ANKH: variants seen among roughly 807,000 people sequenced by gnomAD.
The protein encoded by ANKH is ANKH inorganic pyrophosphate transport regulator, also known as mineralization regulator ANKH.
A neutral mutation model predicts 49.0 loss-of-function variants in ANKH; 15 were observed. The observed-to-expected ratio is 0.31, with a 90% CI of 0.20 to 0.47. The LOEUF (loss-of-function observed/expected upper bound fraction) is 0.47. Among genes scored for constraint, ANKH ranks in the 20% least tolerant of loss-of-function variants. ANKH has a pLI of 1.00. For synonymous variants in ANKH, 273 were observed against 260.0 expected (o/e 1.05, Z -0.48); for missense variants, 429 against 652.0 (o/e 0.66, Z 3.72).
At chr5:14,711,828 G>A (rs1737221762) in intron 11 of ANKH, among the ~76,000 whole-genome samples, 1 of 152,146 alleles carries the variant, frequency 6.6e-6, no homozygotes, top group African/African-American at 2.4e-5. Context: ...TACAATAAAT[G>A]GCCTCTCAGG....
At chr5:14,844,774 T>C (rs1741908767) in intron 1 of ANKH, among the ~76,000 whole-genome samples, 1 of 152,218 alleles carries the variant, frequency 6.6e-6, no homozygotes, top group Non-Finnish European at 1.5e-5. Context: ...TTTTTCACGT[T>C]TGTTTTGAGT....
intron 8 of ANKH, among the ~76,000 whole-genome samples, chr5:14,717,904 T>C (rs1234889636): frequency 6.6e-6 from 1 of 152,166 alleles, no homozygotes; most frequent in African/African-American, 2.4e-5. Context: ...TTTTGGAGCA[T>C]TTTGGATTTT....
chr5:14,731,093 G>A (rs1737985360), intron 8 of ANKH, among the ~76,000 whole-genome samples: 1 of 152,224 alleles, frequency 6.6e-6, no homozygotes, highest in South Asian at 2.1e-4. Context: ...GCCCAACACG[G>A]GCGTGAAAGG....
intron 2 of ANKH, among the ~76,000 whole-genome samples, chr5:14,765,582 A>G (rs1001324028): frequency 6.6e-6 from 1 of 152,164 alleles, no homozygotes; most frequent in African/African-American, 2.4e-5. Context: ...AGATGGGAGA[A>G]TGCCTAGCTC....
At chr5:14,799,736 T>C (rs1740505186) in intron 1 of ANKH, among the ~76,000 whole-genome samples, 2 of 152,178 alleles carry the variant, frequency 1.3e-5, no homozygotes, top group Non-Finnish European at 2.9e-5. Flanking sequence ...TTACTGCTCA[T>C]TGACAATGCA....
chr5:14,780,566 A>G (rs1236556949), intron 1 of ANKH, among the ~76,000 whole-genome samples: 1 of 152,192 alleles, frequency 6.6e-6, no homozygotes. Context: ...AAACAAAATC[A>G]TGTTTCTCAT....
intron 1 of ANKH, among the ~76,000 whole-genome samples, chr5:14,769,794 G>C (rs778453264): frequency 7.7e-6 from 1 of 129,130 alleles, no homozygotes; most frequent in Non-Finnish European, 1.7e-5. Context: ...ATTTTAACCT[G>C]AAATACATTC....
rs112343785 is a variant in ANKH at position 14,847,881 on chromosome 5, G to A, written c.96+23471C>T. 3.7e-4 allele frequency among the ~76,000 whole-genome samples: 57 copies of A among 152,312 alleles called. No homozygotes were observed. The South Asian group carries it at 0.011, about 29-fold the overall frequency. On this transcript the variant is annotated intron_variant, in intron 1 of 11. Transcript: ENST00000284268. ...CTCTGGGCCAGGTGCAGTGGCTCAC[G>A]CCTGTAATCCCAACACTTTGGGAAG...
rs1736942770 is a variant in ANKH at position 14,706,247 on chromosome 5, C to T, written c.*4950G>A. 6.6e-6 allele frequency: 1 copy of T among 152,188 alleles called. No individual in the cohort carries two copies. The highest frequency in any genetic ancestry group is 1.5e-5 in the Non-Finnish European group (1 of 68,032). The allele number at this position is 152,188 out of a possible 1,614,324, so 9.4% of individuals were successfully genotyped here. ...AAAAATTTGCTGAATCTATGTGTAGCTGACAGCCACCTATAAAAGTGCATA... is the reference window on the plus strand; with the variant it reads ...AAAAATTTGCTGAATCTATGTGTAGTTGACAGCCACCTATAAAAGTGCATA... On this transcript the variant is annotated 3_prime_UTR_variant, in exon 12 of 12. Coordinates refer to ENST00000284268, the MANE Select transcript of ANKH (RefSeq NM_054027.6).
At chr5:14,841,071 T>C (rs1741801632) in intron 1 of ANKH, among the ~76,000 whole-genome samples, 1 of 152,166 alleles carries the variant, frequency 6.6e-6, no homozygotes, top group Admixed American at 6.5e-5. Flanking sequence ...ATGAGGATAC[T>C]AATTGTCACT....
At chr5:14,736,472 T>C (rs1023347017) in intron 8 of ANKH, among the ~76,000 whole-genome samples, 4 of 152,318 alleles carry the variant, frequency 2.6e-5, no homozygotes, top group Admixed American at 2.6e-4. Context: ...CTAAAGTTTA[T>C]AGCCATTTTT....
At chr5:14,829,281 A>G (rs1220056531) in intron 1 of ANKH, among the ~76,000 whole-genome samples, 1 of 151,938 alleles carries the variant, frequency 6.6e-6, no homozygotes, top group Non-Finnish European at 1.5e-5. Context: ...TGTAATGAAG[A>G]GTACAAGAGA....
chr5:14,741,425 A>C, intron 8 of ANKH: 1 of 255,260 alleles, frequency 3.9e-6, no homozygotes, highest in Non-Finnish European at 7.7e-6. Context: ...CAGCACAAAC[A>C]TAACTGGAAA....
chr5:14,864,345 AC>A (rs1437470084), intron 1 of ANKH, among the ~76,000 whole-genome samples: 1 of 152,252 alleles, frequency 6.6e-6, no homozygotes, highest in Non-Finnish European at 1.5e-5. Flanking sequence ...TCATCAAACC[AC>A]CTCAATAAAT....
chr5:14,801,226 C>G (rs763142160), intron 1 of ANKH, among the ~76,000 whole-genome samples: 5 of 152,192 alleles, frequency 3.3e-5, no homozygotes, highest in Non-Finnish European at 7.3e-5. Flanking sequence ...TTAGTTGTCT[C>G]TTATCTTTAC....
intron 8 of ANKH, among the ~76,000 whole-genome samples, chr5:14,727,789 T>G (rs929713611): frequency 6.6e-6 from 1 of 152,042 alleles, no homozygotes; most frequent in Non-Finnish European, 1.5e-5. Context: ...GGGCAGATGG[T>G]GATGACAAGC....
chr5:14,721,734 T>C lies in ANKH; in HGVS notation c.1012-4899A>G, dbSNP rs569597157. Among the ~76,000 whole-genome samples the C allele has an allele frequency of 1.4e-4, 21 of 151,980 alleles. No individual in the cohort carries two copies. In the South Asian group the frequency reaches 3.3e-3, roughly 24 times the overall value. ...TCACAAGGTCAGGAGATCGAGACCA[T>C]CCTGGCTAACACGGTGAAACCCCAT... On this transcript the variant is annotated intron_variant, in intron 8 of 11. Transcript: ENST00000284268.
At chr5:14,797,773 C>A (rs750548853) in intron 1 of ANKH, 1 of 1,611,036 alleles carries the variant, frequency 6.2e-7, no homozygotes, top group Non-Finnish European at 8.5e-7. Context: ...TCCTTTGGAA[C>A]GGCACTGATG....
intron 1 of ANKH, among the ~76,000 whole-genome samples, chr5:14,832,736 T>TA (rs1741539743): frequency 1.3e-5 from 2 of 152,224 alleles, no homozygotes; most frequent in Non-Finnish European, 2.9e-5. Flanking sequence ...GTTGGGCTGT[T>TA]ACAAATAACG....
Sources: allele counts gnomAD v4.1 joint callset (sites outside exome capture counted in the v4.1 genomes callset), GRCh38; gene constraint gnomAD v4.1.1; transcripts MANE v1.5; gene names NCBI Gene and HGNC (gene_info 2026-07-23, HGNC 2026-07-21).